The following DYNC1I1 variants were observed in gnomAD, a reference collection of about 807,000 sequenced individuals.
DYNC1I1 encodes the protein cytoplasmic dynein 1 intermediate chain 1.
A neutral mutation model predicts 86.6 loss-of-function variants in DYNC1I1; 43 were observed. That is an observed-to-expected ratio of 0.50 (90% CI 0.39 to 0.64). The LOEUF (loss-of-function observed/expected upper bound fraction) is 0.64, where lower values mean the gene tolerates loss of function less well. Among genes scored for constraint, DYNC1I1 ranks in the 30% least tolerant of loss-of-function variants. DYNC1I1 has a pLI of 0.00. For synonymous variants in DYNC1I1, 262 were observed against 283.7 expected, an observed-to-expected ratio of 0.92 and a Z score of 0.77; for missense variants, 604 against 788.8, an observed-to-expected ratio of 0.77 and a Z score of 2.81.
chr7:95,867,248 A>C (rs1790038377), intron 5 of DYNC1I1, among the ~76,000 whole-genome samples: 2 of 152,180 alleles, frequency 1.3e-5, no homozygotes, highest in Admixed American at 6.5e-5. Context: ...ACATTATTAT[A>C]ATCATCAGAA....
intron 5 of DYNC1I1, among the ~76,000 whole-genome samples, chr7:95,861,755 C>A (rs978969622): frequency 2.6e-5 from 4 of 152,134 alleles, no homozygotes; most frequent in African/African-American, 9.7e-5. Context: ...TTTAGTGACG[C>A]TCTTGCTAGT....
At chr7:95,831,312 G>A (rs1178637834) in intron 5 of DYNC1I1, among the ~76,000 whole-genome samples, 1 of 151,884 alleles carries the variant, frequency 6.6e-6, no homozygotes, top group African/African-American at 2.4e-5. Flanking sequence ...TTTAATATTT[G>A]GTAGAACACA....
At chr7:95,782,886 C>T (rs939318382) in intron 1 of DYNC1I1, among the ~76,000 whole-genome samples, 3 of 152,120 alleles carry the variant, frequency 2.0e-5, no homozygotes, top group South Asian at 2.1e-4. Flanking sequence ...CTGACCTTCC[C>T]CAGCCGAACT....
rs768650547 is a variant in DYNC1I1, at chr7:95,828,154, C to A, written c.374+38C>A. 3.1e-6 allele frequency: 5 copies of A among 1,609,762 alleles called. No individual in the cohort carries two copies. The East Asian group carries it at 6.7e-5, about 22-fold the overall frequency. ...TCTTTTGTTACTCCTTTTATTATTT[C>A]TTTGCTACAGTTGTGTTGAAATGCT... On this transcript the variant is annotated intron_variant, in intron 5 of 16. Transcript: ENST00000447467.
intron 5 of DYNC1I1, among the ~76,000 whole-genome samples, chr7:95,846,176 A>T (rs1324237722): frequency 6.6e-6 from 1 of 152,166 alleles, no homozygotes; most frequent in Non-Finnish European, 1.5e-5. Context: ...TATATATATT[A>T]TTGGAGAAAA....
intron 6 of DYNC1I1, among the ~76,000 whole-genome samples, chr7:95,908,662 G>C (rs1383326824): frequency 6.6e-6 from 1 of 152,070 alleles, no homozygotes; most frequent in African/African-American, 2.4e-5. Flanking sequence ...CCAAATGCAG[G>C]AGAGCCTCCT....
downstream of DYNC1I1, among the ~76,000 whole-genome samples, chr7:96,100,396 C>G (rs1791113123): frequency 6.7e-6 from 1 of 150,280 alleles, no homozygotes; most frequent in Non-Finnish European, 1.5e-5. Flanking sequence ...TCCTTCTTTC[C>G]TTCTTCTCCT....
At chr7:95,776,488 A>C (rs1793843484) in intron 1 of DYNC1I1, among the ~76,000 whole-genome samples, 1 of 152,228 alleles carries the variant, frequency 6.6e-6, no homozygotes. Flanking sequence ...GCAAATTTTC[A>C]TGCATTTGTG....
At chr7:96,104,175 T>G (rs1347976904) in intron 16 of DYNC1I1, among the ~76,000 whole-genome samples, 1 of 152,170 alleles carries the variant, frequency 6.6e-6, no homozygotes, top group East Asian at 1.9e-4. Flanking sequence ...GTTAATCAGA[T>G]AATATTTAAA....
chr7:96,107,162 GA>G (rs1791228695), intron 16 of DYNC1I1, among the ~76,000 whole-genome samples: 1 of 151,870 alleles, frequency 6.6e-6, no homozygotes, highest in Admixed American at 6.6e-5. Context: ...GAGAAGCTGA[GA>G]TTACAGGTGC....
chr7:95,937,063 G>A (rs1792064983), intron 6 of DYNC1I1, among the ~76,000 whole-genome samples: 1 of 151,404 alleles, frequency 6.6e-6, no homozygotes, highest in Non-Finnish European at 1.5e-5. Context: ...TATGCTAAGT[G>A]GAATTAGACA....
chr7:96,021,002 G>A (rs1794535301), intron 10 of DYNC1I1, among the ~76,000 whole-genome samples: 1 of 152,070 alleles, frequency 6.6e-6, no homozygotes, highest in Admixed American at 6.6e-5. Context: ...GAGTGATGAG[G>A]GATGGGGGAT....
intron 14 of DYNC1I1, among the ~76,000 whole-genome samples, chr7:96,052,722 A>G (rs1055139686): frequency 2.0e-5 from 3 of 152,178 alleles, no homozygotes; most frequent in African/African-American, 7.2e-5. Context: ...GGTGACTGGA[A>G]CAGAATAATG....
Position 95,846,627 on chromosome 7 carries a change from C to CTGTGTGTGTGTGTG in DYNC1I1, c.374+18538_374+18551dup, listed in dbSNP as rs1236489557. Among the ~76,000 whole-genome samples the CTGTGTGTGTGTGTG allele has an allele frequency of 7.9e-4, 108 of 136,582 alleles. 1 individual carries two copies. The highest frequency in any genetic ancestry group is 3.7e-3 in the Middle Eastern group (1 of 268). The allele number at this position is 136,582 out of a possible 152,430, so 89.6% of individuals were successfully genotyped here. ...GAACATAAATGATAAATCTCTCTCT[C>CTGTGTGTGTGTGTG]TGTGTGTGTGTGTGTGTGTGTGTGT... On this transcript the variant is annotated intron_variant, in intron 5 of 16. Transcript: ENST00000447467.
At chr7:95,862,887 T>TAAAA (rs1562926376) in intron 5 of DYNC1I1, among the ~76,000 whole-genome samples, 1 of 152,148 alleles carries the variant, frequency 6.6e-6, no homozygotes, top group African/African-American at 2.4e-5. Context: ...CCTGTATAAA[T>TAAAA]TAAAACATCT....
intron 5 of DYNC1I1, among the ~76,000 whole-genome samples, chr7:95,854,750 T>G (rs917881829): frequency 4.6e-5 from 7 of 152,196 alleles, no homozygotes; most frequent in Admixed American, 6.5e-5. Flanking sequence ...GGTAGGCCCC[T>G]CAACCAGAAT....
intron 6 of DYNC1I1, among the ~76,000 whole-genome samples, chr7:95,871,954 A>G (rs566590534): frequency 1.7e-4 from 26 of 152,370 alleles, no homozygotes; most frequent in African/African-American, 6.3e-4. Context: ...ACATTTAAGC[A>G]ATCCTGGATG....
intron 6 of DYNC1I1, among the ~76,000 whole-genome samples, chr7:95,871,013 T>G (rs1031875880): frequency 1.3e-5 from 2 of 152,194 alleles, no homozygotes; most frequent in Non-Finnish European, 2.9e-5. Flanking sequence ...AATGCAAAAA[T>G]GATTAGCATT....
chr7:96,057,451 T>A (rs1789612329), intron 14 of DYNC1I1, among the ~76,000 whole-genome samples: 1 of 152,218 alleles, frequency 6.6e-6, no homozygotes, highest in Non-Finnish European at 1.5e-5. Context: ...TTTGGTCTGT[T>A]AAATAAAATG....
Sources: allele counts gnomAD v4.1 joint callset (sites outside exome capture counted in the v4.1 genomes callset), GRCh38; gene constraint gnomAD v4.1.1; transcripts MANE v1.5; gene names NCBI Gene and HGNC (gene_info 2026-07-23, HGNC 2026-07-21).